WDPCP: variants seen among roughly 807,000 people sequenced by gnomAD.
WDPCP encodes WD repeat-containing and planar cell polarity effector protein fritz homolog.
Under a neutral mutation model 93.1 loss-of-function variants are expected in WDPCP, and 71 were observed. The ratio of observed to expected loss-of-function variants is 0.76; its 90% CI spans 0.63 to 0.93. The LOEUF is 0.93. WDPCP is among the 40% of genes least tolerant of loss of function. WDPCP has a pLI of 0.00. For synonymous variants in WDPCP, 315 were observed against 315.0 expected (o/e 1.00, Z 0.00); for missense variants, 844 against 887.4 (o/e 0.95, Z 0.62).
chr2:63,136,101 G>A (rs1670598092), intron 17 of WDPCP, among the ~76,000 whole-genome samples: 1 of 152,080 alleles, frequency 6.6e-6, no homozygotes, highest in Non-Finnish European at 1.5e-5. Flanking sequence ...TAAAGATGTA[G>A]CCATTGTAGT....
rs549226404 is a variant in WDPCP, at chr2:63,402,666, G to A, written c.1435+1382C>T. Among the ~76,000 whole-genome samples the A allele has an allele frequency of 9.9e-5, 15 of 152,090 alleles. No homozygotes were observed. The East Asian group carries it at 1.5e-3, about 16-fold the overall frequency. On this transcript the variant is annotated intron_variant, in intron 10 of 17. Transcript: ENST00000272321. Reference sequence around the variant, plus strand: ...TCAGAATGGCTATTTTTTTTGAGACGGAGTCTTGCTCTGTCGCCCAGGCTG... The same window carrying A: ...TCAGAATGGCTATTTTTTTTGAGACAGAGTCTTGCTCTGTCGCCCAGGCTG...
intron 12 of WDPCP, among the ~76,000 whole-genome samples, chr2:63,337,398 T>G (rs1688462044): frequency 6.6e-6 from 1 of 152,204 alleles, no homozygotes; most frequent in African/African-American, 2.4e-5. Context: ...TAATGGGCAC[T>G]TAGGTTGCTT....
At chr2:63,194,378 G>A (rs916870655) in intron 14 of WDPCP, among the ~76,000 whole-genome samples, 2 of 152,110 alleles carry the variant, frequency 1.3e-5, no homozygotes, top group African/African-American at 4.8e-5. Context: ...TAGGGTAAAT[G>A]TTATGAAGTC....
intron 12 of WDPCP, among the ~76,000 whole-genome samples, chr2:63,344,928 A>C (rs1026926922): frequency 2.0e-5 from 3 of 152,208 alleles, no homozygotes; most frequent in Non-Finnish European, 2.9e-5. Context: ...CCAAAATGCC[A>C]CCATGCTTTC....
chr2:63,229,783 A>G (rs1043193549), intron 14 of WDPCP: 3 of 150,284 alleles, frequency 2.0e-5, no homozygotes, highest in African/African-American at 7.4e-5. Flanking sequence ...GTTCTGTTCC[A>G]TTGGTCTATA....
intron 12 of WDPCP, among the ~76,000 whole-genome samples, chr2:63,331,226 A>C (rs1385543966): frequency 6.6e-6 from 1 of 152,166 alleles, no homozygotes; most frequent in Admixed American, 6.5e-5. Context: ...GGAAAGATAT[A>C]AAATCCTTGG....
At chr2:63,395,124 G>T (rs1471206985) in intron 10 of WDPCP, among the ~76,000 whole-genome samples, 1 of 152,148 alleles carries the variant, frequency 6.6e-6, no homozygotes, top group Non-Finnish European at 1.5e-5. Context: ...TAACGTTGAA[G>T]ATTGTCACAG....
At chr2:63,528,551 G>A (rs1703543728) in intron 1 of WDPCP, among the ~76,000 whole-genome samples, 1 of 152,048 alleles carries the variant, frequency 6.6e-6, no homozygotes, top group Non-Finnish European at 1.5e-5. Context: ...ATTTCTGAGG[G>A]CTCTGTTCTG....
chr2:63,651,526 G>A (rs1186776873), intron 2 of WDPCP, among the ~76,000 whole-genome samples: 1 of 151,982 alleles, frequency 6.6e-6, no homozygotes, highest in East Asian at 1.9e-4. Flanking sequence ...TGCAATGTGG[G>A]GGCTGGCAAG....
chr2:63,487,660 T>G (rs758894801), intron 2 of WDPCP, among the ~76,000 whole-genome samples, 166 bp from the exon 3 acceptor site: 1 of 152,038 alleles, frequency 6.6e-6, no homozygotes, highest in Non-Finnish European at 1.5e-5. Flanking sequence ...GTTCGTCTAT[T>G]CTAGGGATAT....
At chr2:63,459,915 TC>T (rs1453874946) in intron 6 of WDPCP, among the ~76,000 whole-genome samples, 1 of 151,812 alleles carries the variant, frequency 6.6e-6, no homozygotes, top group Non-Finnish European at 1.5e-5. Flanking sequence ...AGATTCTGTC[TC>T]AAAAAAAGAA....
chr2:63,310,862 C>G (rs770301299), intron 13 of WDPCP, among the ~76,000 whole-genome samples: 3 of 152,024 alleles, frequency 2.0e-5, no homozygotes, highest in Non-Finnish European at 4.4e-5. Context: ...CTGTCTCAAT[C>G]AATGAATGAA....
chr2:63,812,552 C>T (rs2104093506), intron 2 of WDPCP, among the ~76,000 whole-genome samples: 1 of 152,264 alleles, frequency 6.6e-6, no homozygotes, highest in East Asian at 1.9e-4. Context: ...ATTCCCTTTT[C>T]TCCACAGCCT....
intron 1 of WDPCP, among the ~76,000 whole-genome samples, chr2:63,508,711 T>C (rs1702039965): frequency 6.6e-6 from 1 of 152,000 alleles, no homozygotes; most frequent in South Asian, 2.1e-4. Flanking sequence ...AAGACACACA[T>C]AGGCTCAAAA....
intron 14 of WDPCP, among the ~76,000 whole-genome samples, chr2:63,182,232 G>A (rs181899370): frequency 6.6e-6 from 1 of 151,868 alleles, no homozygotes; most frequent in Non-Finnish European, 1.5e-5. Context: ...CCAGTTCTTC[G>A]GGAGACTGCT....
At chr2:63,200,450 T>C (rs919257280) in intron 14 of WDPCP, among the ~76,000 whole-genome samples, 6 of 152,168 alleles carry the variant, frequency 3.9e-5, no homozygotes, top group Admixed American at 2.0e-4. Context: ...AAGTGTCCAT[T>C]AGCAGATGAA....
intron 1 of WDPCP, among the ~76,000 whole-genome samples, chr2:63,513,299 T>C (rs1172770300): frequency 6.6e-6 from 1 of 152,108 alleles, no homozygotes; most frequent in Non-Finnish European, 1.5e-5. Context: ...GTTAGAAAAA[T>C]GTAAACATAC....
intron 13 of WDPCP, among the ~76,000 whole-genome samples, chr2:63,288,531 C>G (rs1252114951): frequency 6.6e-6 from 1 of 152,158 alleles, no homozygotes; most frequent in Non-Finnish European, 1.5e-5. Context: ...TAAGTAATCT[C>G]AAAGATACAG....
chr2:63,214,477 A>G (rs1677134258), intron 14 of WDPCP, among the ~76,000 whole-genome samples: 1 of 152,342 alleles, frequency 6.6e-6, no homozygotes, highest in South Asian at 2.1e-4. Flanking sequence ...GTATCTCAAA[A>G]TAATAAGAGC....
Sources: allele counts gnomAD v4.1 joint callset (sites outside exome capture counted in the v4.1 genomes callset), GRCh38; gene constraint gnomAD v4.1.1; transcripts MANE v1.5; gene names NCBI Gene and HGNC (gene_info 2026-07-23, HGNC 2026-07-21).